Variants in CD226 observed in about 807,000 individuals in gnomAD.
The protein encoded by CD226 is CD226 antigen.
A neutral mutation model predicts 34.9 loss-of-function variants in CD226; 24 were observed. The observed-to-expected ratio is 0.69, with a 90% CI of 0.50 to 0.97. The LOEUF is 0.97. Ranked by LOEUF, CD226 falls within the 50% of genes least tolerant of loss-of-function variation. The pLI, the probability that CD226 is intolerant of heterozygous loss-of-function variation, is 0.00. For missense variants in CD226, 397 were observed against 412.7 expected, an observed-to-expected ratio of 0.96 and a Z score of 0.33; for synonymous variants, 148 against 147.4, an observed-to-expected ratio of 1.00 and a Z score of -0.03.
intron 2 of CD226, among the ~76,000 whole-genome samples, chr18:69,937,328 T>C (rs1043395905): frequency 6.6e-6 from 1 of 152,094 alleles, no homozygotes; most frequent in Non-Finnish European, 1.5e-5. Context: ...ATCTAGAAAA[T>C]AGCTGTCTAT....
At chr18:69,904,299 T>C (rs1035446968) in intron 2 of CD226, among the ~76,000 whole-genome samples, 4 of 152,198 alleles carry the variant, frequency 2.6e-5, no homozygotes, top group African/African-American at 9.7e-5. Flanking sequence ...AAGAGATGAT[T>C]TGCAGTATGT....
At chr18:69,955,151 C>T (rs550099480) in intron 1 of CD226, among the ~76,000 whole-genome samples, 2 of 152,138 alleles carry the variant, frequency 1.3e-5, no homozygotes, top group African/African-American at 4.8e-5. Flanking sequence ...TTCAGCCACA[C>T]TGTTCTTCTT....
rs1477349124 is a variant in CD226 at position 69,854,863 on chromosome 18, T to C, written c.*9451A>G. On this transcript the variant is annotated 3_prime_UTR_variant, in exon 6 of 6. Coordinates refer to ENST00000582621, the MANE Select transcript of CD226 (RefSeq NM_001303618.2). ...AGGGCTCCAGTATAGTAACAGTGAA[T>C]TGCAGAGGAAAGAGCTGAAAGACAG... The C allele has an allele frequency of 6.6e-6, 1 of 152,178 alleles. No individual in the cohort carries two copies. The highest frequency in any genetic ancestry group is 1.5e-5 in the Non-Finnish European group (1 of 68,074). The allele number at this position is 152,178 out of a possible 1,614,324, so 9.4% of individuals were successfully genotyped here.
intron 3 of CD226, among the ~76,000 whole-genome samples, chr18:69,880,471 GAAAGACA>G (rs1984181237): frequency 6.6e-6 from 1 of 151,956 alleles, no homozygotes; most frequent in African/African-American, 2.4e-5. Context: ...GCACACTGTT[GAAAGACA>G]AATACCACAT....
At chr18:69,878,899 T>C (rs1004690799) in intron 3 of CD226, among the ~76,000 whole-genome samples, 7 of 152,066 alleles carry the variant, frequency 4.6e-5, no homozygotes, top group South Asian at 2.1e-4. Context: ...TTTTCTATTT[T>C]CCCTAAGTGT....
chr18:69,915,458 T>C (rs922812725), intron 2 of CD226, among the ~76,000 whole-genome samples: 10 of 152,196 alleles, frequency 6.6e-5, no homozygotes, highest in African/African-American at 1.4e-4. Context: ...AAACAATTCT[T>C]TTCCAGATTA....
rs1021744305 is a variant in CD226 at position 69,908,127 on chromosome 18, T to G, written c.383-12082A>C. 2.4e-4 allele frequency among the ~76,000 whole-genome samples: 37 copies of G among 152,340 alleles called. 1 individual carries two copies. Among genetic ancestry groups the G allele is most frequent in the Admixed American group, 2.0e-4 (3 of 15,298 alleles). On this transcript the variant is annotated intron_variant, in intron 2 of 5. Transcript: ENST00000582621. ...CCACAGTAATCTCTCAGCCACTGAA[T>G]CCTACGGCTCTCTCTTTCCACATTT...
In CD226 at chr18:69,916,123, T is replaced by C. The variant is rs562588397; in HGVS notation, c.383-20078A>G. Among the ~76,000 whole-genome samples, 8 of 152,284 alleles carry C rather than the reference T, an allele frequency of 5.3e-5. No individual in the cohort carries two copies. In the South Asian group the frequency reaches 1.2e-3, roughly 24 times the overall value. On this transcript the variant is annotated intron_variant, in intron 2 of 5. Coordinates refer to ENST00000582621, the MANE Select transcript of CD226 (RefSeq NM_001303618.2). Reference sequence around the variant, plus strand: ...AGGTTTAAATTAGACATCTAAGTGATGCAAATAAATAAATCACTGATGATT... The same window carrying C: ...AGGTTTAAATTAGACATCTAAGTGACGCAAATAAATAAATCACTGATGATT...
chr18:69,952,775 C>T (rs990087789), upstream of CD226, among the ~76,000 whole-genome samples: 5 of 152,132 alleles, frequency 3.3e-5, no homozygotes, highest in African/African-American at 1.2e-4. Flanking sequence ...AACTTTTGTG[C>T]ATCAAAGGAC....
At chr18:69,954,578 A>G (rs555901239) in intron 1 of CD226, among the ~76,000 whole-genome samples, 1 of 147,500 alleles carries the variant, frequency 6.8e-6, no homozygotes, top group Non-Finnish European at 1.5e-5. Flanking sequence ...GGTTTCTATG[A>G]TCAGGCCCAA....
Position 69,858,718 on chromosome 18 carries a change from C to CTA in CD226, c.*5595_*5596insTA, listed in dbSNP as rs1982684049. 1 of 44,942 alleles carries CTA rather than the reference C, an allele frequency of 2.2e-5. No individual in the cohort carries two copies. The highest frequency in any genetic ancestry group is 8.1e-5 in the African/African-American group (1 of 12,354). 2.8% of individuals were successfully genotyped at this position (44,942 alleles called of 1,614,324 possible). ...GCCACCCCTATGTTCAAATACTTAA[C>CTA]TTTTTTTTTTTTTTTTTTTTTTTTT... is the stretch of plus-strand genomic sequence containing the variant. On this transcript the variant is annotated 3_prime_UTR_variant, in exon 6 of 6. Transcript: ENST00000582621.
At chr18:69,900,871 T>G (rs1442880955) in intron 2 of CD226, among the ~76,000 whole-genome samples, 1 of 152,296 alleles carries the variant, frequency 6.6e-6, no homozygotes, top group East Asian at 1.9e-4. Context: ...GATTTACATC[T>G]ATAATAACCC....
chr18:69,928,293 C>T (rs1176758405), intron 2 of CD226, among the ~76,000 whole-genome samples: 2 of 152,174 alleles, frequency 1.3e-5, no homozygotes, highest in Non-Finnish European at 2.9e-5. Context: ...CCCTACTTCA[C>T]CCCAACTCTT....
At chr18:69,887,891 T>C (rs555238534) in intron 3 of CD226, among the ~76,000 whole-genome samples, 105 of 152,356 alleles carry the variant, frequency 6.9e-4, no homozygotes, top group African/African-American at 2.4e-3. Flanking sequence ...AAATGTATTT[T>C]TAAAATCCCT....
chr18:69,919,046 C>T (rs1245157295), intron 2 of CD226, among the ~76,000 whole-genome samples: 1 of 152,164 alleles, frequency 6.6e-6, no homozygotes, highest in East Asian at 1.9e-4. Flanking sequence ...GAAATAATGT[C>T]ACTGCCAGAG....
intron 2 of CD226, among the ~76,000 whole-genome samples, chr18:69,928,574 T>C (rs918429114): frequency 2.6e-5 from 4 of 152,170 alleles, no homozygotes; most frequent in South Asian, 4.1e-4. Context: ...TGAGTACAGG[T>C]TGAGTATCCC....
rs547895623 is a variant in CD226 at position 69,888,113 on chromosome 18, T to C, written c.727+7588A>G. ...ATGAAGTTCAAAGTAATCGACTGAT[T>C]GAGTTGTAATACTTAAATTAGAATT... On this transcript the variant is annotated intron_variant, in intron 3 of 5. Coordinates refer to ENST00000582621, the MANE Select transcript of CD226 (RefSeq NM_001303618.2). Among the ~76,000 whole-genome samples the C allele has an allele frequency of 1.2e-3, 190 of 152,352 alleles. 1 individual carries two copies. Among genetic ancestry groups the C allele is most frequent in the African/African-American group, 4.4e-3 (183 of 41,596 alleles).
At chr18:69,900,625 G>A (rs1032826221) in intron 2 of CD226, among the ~76,000 whole-genome samples, 29 of 150,280 alleles carry the variant, frequency 1.9e-4, no homozygotes, top group Admixed American at 1.5e-3. Flanking sequence ...CCAGCTACTC[G>A]GGAGGCTGAG....
intron 4 of CD226, among the ~76,000 whole-genome samples, chr18:69,871,047 G>C (rs945924493): frequency 6.6e-6 from 1 of 152,126 alleles, no homozygotes; most frequent in African/African-American, 2.4e-5. Context: ...GTTCAATTTA[G>C]CTATTCATGT....
Sources: gnomAD v4.1 joint callset for allele counts (sites outside exome capture counted in the v4.1 genomes callset) on GRCh38, gnomAD v4.1.1 for gene constraint, MANE v1.5 for transcripts, NCBI Gene and HGNC (gene_info 2026-07-23, HGNC 2026-07-21) for gene names.